Variants in ITPRID1 observed in about 807,000 individuals in gnomAD.
ITPRID1 encodes protein ITPRID1.
A neutral mutation model predicts 95.4 loss-of-function variants in ITPRID1; 96 were observed. That is an observed-to-expected ratio of 1.01 (90% confidence interval 0.85 to 1.19). The LOEUF (loss-of-function observed/expected upper bound fraction) is 1.19. ITPRID1 is among the 50% of genes most tolerant of loss of function. The pLI is 0.00. For synonymous variants in ITPRID1, 510 were observed against 453.6 expected, an observed-to-expected ratio of 1.12 and a Z score of -1.58; for missense variants, 1,339 against 1,252.9, an observed-to-expected ratio of 1.07 and a Z score of -1.04.
chr7:31,636,795 G>T (rs967198688), intron 10 of ITPRID1, among the ~76,000 whole-genome samples: 10 of 151,040 alleles, frequency 6.6e-5, no homozygotes, highest in Admixed American at 6.6e-5. Context: ...TGTTACATAT[G>T]TATACATGTG....
intron 5 of ITPRID1, among the ~76,000 whole-genome samples, chr7:31,560,260 G>C (rs527893392): frequency 1.2e-4 from 19 of 152,298 alleles, no homozygotes; most frequent in Admixed American, 1.1e-3. Flanking sequence ...GCAAAGATGA[G>C]AGTAGAGGGC....
At position 31,554,543 on chromosome 7, in the gene ITPRID1, T is replaced by C. The variant is rs1391831705; in HGVS notation, c.212+20T>C. The C allele has an allele frequency of 6.2e-7, 1 of 1,612,484 alleles. No homozygotes were observed. On this transcript the variant is annotated intron_variant, in intron 4 of 14. Transcript: ENST00000615280. ...ATTCTTGTAAGTGTTTTTGTGTGTG[T>C]GTGCCTTACATGTTTCTCTTGCAAA...
chr7:31,593,035 C>T (rs1227221543), intron 10 of ITPRID1, among the ~76,000 whole-genome samples: 3 of 152,130 alleles, frequency 2.0e-5, no homozygotes, highest in Admixed American at 6.6e-5. Flanking sequence ...CTGGGCACAG[C>T]GTCTCATGCC....
At chr7:31,626,901 A>C (rs1016237100) in intron 10 of ITPRID1, among the ~76,000 whole-genome samples, 1 of 152,268 alleles carries the variant, frequency 6.6e-6, no homozygotes, top group African/African-American at 2.4e-5. Flanking sequence ...TTTGTGGGAT[A>C]AACAAATAAA....
chr7:31,596,200 A>C (rs918011098), intron 10 of ITPRID1, among the ~76,000 whole-genome samples: 1 of 151,474 alleles, frequency 6.6e-6, no homozygotes, highest in South Asian at 2.1e-4. Flanking sequence ...ATAGGGGAAA[A>C]ATAAATAAAC....
intron 9 of ITPRID1, among the ~76,000 whole-genome samples, chr7:31,579,537 C>T (rs1007399974): frequency 1.3e-5 from 2 of 152,154 alleles, no homozygotes; most frequent in Non-Finnish European, 2.9e-5. Flanking sequence ...ATACACTTTA[C>T]ATCACTATAC....
chr7:31,648,859 TGAAAC>T (rs1235510888), intron 12 of ITPRID1, among the ~76,000 whole-genome samples: 1 of 152,174 alleles, frequency 6.6e-6, no homozygotes, highest in East Asian at 1.9e-4. Flanking sequence ...AGAAAAGAAA[TGAAAC>T]AAGAGATGGG....
At chr7:31,579,704 CA>C (rs1159470706) in intron 9 of ITPRID1, among the ~76,000 whole-genome samples, 7 of 152,066 alleles carry the variant, frequency 4.6e-5, no homozygotes, top group Non-Finnish European at 8.8e-5. Flanking sequence ...CTGCATCCCA[CA>C]AAGATATAAA....
chr7:31,549,252 A>T (rs1378709367), intron 1 of ITPRID1, among the ~76,000 whole-genome samples, 174 bp from the exon 2 acceptor site: 1 of 152,158 alleles, frequency 6.6e-6, no homozygotes, highest in South Asian at 2.1e-4. Context: ...GGAAATCCAT[A>T]TTCTCATGGT....
chr7:31,629,030 G>A (rs38373), intron 10 of ITPRID1, among the ~76,000 whole-genome samples: 148,674 of 152,266 alleles, frequency 0.98, 72,596 homozygotes, highest in East Asian at 0.99. Context: ...AAAAATTGGC[G>A]TTACAAAATT....
chr7:31,622,837 T>C (rs1788046751), intron 10 of ITPRID1, among the ~76,000 whole-genome samples: 1 of 151,712 alleles, frequency 6.6e-6, no homozygotes, highest in African/African-American at 2.4e-5. Context: ...TTTGAAATGA[T>C]CAACAAAATT....
chr7:31,581,784 T>C (rs1785414043), intron 9 of ITPRID1, among the ~76,000 whole-genome samples: 2 of 152,154 alleles, frequency 1.3e-5, no homozygotes, highest in African/African-American at 2.4e-5. Context: ...TCCATGATAA[T>C]GGTCATAGCA....
At position 31,578,089 on chromosome 7, in the gene ITPRID1, G is replaced by T; in HGVS notation, c.825G>T (p.Glu275Asp). The change falls in exon 9 of 15, where the codon GAG becomes GAT. Residue 275 changes from glutamate to aspartate, a missense_variant. Transcript: ENST00000615280. ...IRRDCNPEVS[E>D]SFKVKDEVFV... The stretch of plus-strand genomic sequence containing the variant: ...GGGATTGTAACCCAGAGGTATCAGA[G>T]TCCTTCAAGGTGAAGGATGAAGTTT... The T allele has an allele frequency of 6.2e-7, 1 of 1,613,656 alleles. No homozygotes were observed. Among genetic ancestry groups the T allele is most frequent in the Non-Finnish European group, 8.5e-7 (1 of 1,179,730 alleles).
At chr7:31,571,152 C>T (rs1005334169) in intron 6 of ITPRID1, among the ~76,000 whole-genome samples, 3 of 152,048 alleles carry the variant, frequency 2.0e-5, no homozygotes, top group Non-Finnish European at 4.4e-5. Context: ...CTCAGCCTCC[C>T]GAGTAGCTGG....
At chr7:31,579,696 G>A (rs558963565) in intron 9 of ITPRID1, among the ~76,000 whole-genome samples, 15 of 152,268 alleles carry the variant, frequency 9.9e-5, no homozygotes, top group Non-Finnish European at 2.1e-4. Flanking sequence ...TGGCATAGCT[G>A]CATCCCACAA....
At chr7:31,589,922 A>G (rs1785788030) in intron 10 of ITPRID1, among the ~76,000 whole-genome samples, 1 of 152,214 alleles carries the variant, frequency 6.6e-6, no homozygotes, top group African/African-American at 2.4e-5. Flanking sequence ...GATACCTACA[A>G]GATTTCTACA....
At chr7:31,546,344 TAAGC>T (rs1254007789) in intron 1 of ITPRID1, among the ~76,000 whole-genome samples, 6 of 151,994 alleles carry the variant, frequency 3.9e-5, no homozygotes, top group Admixed American at 6.6e-5. Flanking sequence ...AATGACAAAA[TAAGC>T]AGGCATCAAG....
chr7:31,648,224 T>C (rs1442755011), intron 12 of ITPRID1, among the ~76,000 whole-genome samples: 1 of 152,174 alleles, frequency 6.6e-6, no homozygotes, highest in African/African-American at 2.4e-5. Context: ...CTTTTGGTGA[T>C]GGTGCTCTTA....
chr7:31,619,858 G>C (rs868480735), intron 10 of ITPRID1, among the ~76,000 whole-genome samples: 32 of 152,186 alleles, frequency 2.1e-4, no homozygotes, highest in African/African-American at 7.5e-4. Flanking sequence ...CCTAGTCAAA[G>C]AAAGGGGTGA....
Sources: gnomAD v4.1 joint callset for allele counts (sites outside exome capture counted in the v4.1 genomes callset) on GRCh38, gnomAD v4.1.1 for gene constraint, MANE v1.5 for transcripts, NCBI Gene and HGNC (gene_info 2026-07-23, HGNC 2026-07-21) for gene names.